The following C12orf54 variants were observed in gnomAD, a reference collection of about 807,000 sequenced individuals.
The protein encoded by C12orf54 is chromosome 12 open reading frame 54.
C12orf54 carries 24 observed loss-of-function variants against 26.4 expected under a neutral mutation model. The observed-to-expected ratio is 0.91, with a 90% CI of 0.66 to 1.28. The LOEUF is 1.28. Among genes scored for constraint, C12orf54 ranks in the 50% most tolerant of loss-of-function variants. C12orf54 has a pLI of 0.00. For missense variants in C12orf54, 154 were observed against 150.9 expected (o/e 1.02, Z -0.11); for synonymous variants, 54 against 47.0 (o/e 1.15, Z -0.61).
chr12:48,447,170 C>T, the C12orf54 span, among the ~76,000 whole-genome samples: 3 of 150,964 alleles, frequency 2.0e-5, no homozygotes, highest in Non-Finnish European at 4.4e-5. Context: ...GGATTAGTGC[C>T]CTTGTAAGAG....
At chr12:48,486,356 T>C (rs1954264665) in intron 3 of C12orf54, 148 bp downstream of exon 3, 1 of 762,662 alleles carries the variant, frequency 1.3e-6, no homozygotes, top group South Asian at 1.7e-5. Context: ...GAGTGGGTCA[T>C]TGTCTACCAA....
chr12:48,420,085 T>C, the C12orf54 span, among the ~76,000 whole-genome samples: 1 of 152,154 alleles, frequency 6.6e-6, no homozygotes, highest in African/African-American at 2.4e-5. Context: ...CAGTTGGTTT[T>C]TTTTTTCACT....
At chr12:48,415,930 C>T in the C12orf54 span, among the ~76,000 whole-genome samples, 7 of 152,230 alleles carry the variant, frequency 4.6e-5, no homozygotes, top group East Asian at 5.8e-4. Flanking sequence ...TGCATGTCCC[C>T]GATTATCCTG....
the C12orf54 span, among the ~76,000 whole-genome samples, chr12:48,469,798 G>A: frequency 6.6e-6 from 1 of 152,258 alleles, no homozygotes; most frequent in African/African-American, 2.4e-5. Flanking sequence ...ATGTTCTGCT[G>A]TGGTTTCAGC....
At chr12:48,466,880 G>A in the C12orf54 span, among the ~76,000 whole-genome samples, 1 of 152,026 alleles carries the variant, frequency 6.6e-6, no homozygotes, top group Non-Finnish European at 1.5e-5. Flanking sequence ...TTTGTGAATG[G>A]ATGTTCATAG....
the C12orf54 span, among the ~76,000 whole-genome samples, chr12:48,413,319 T>C: frequency 6.6e-6 from 1 of 152,224 alleles, no homozygotes. Context: ...GGTTGCTCAG[T>C]TGAAGAATAA....
At position 48,493,006 on chromosome 12, in the gene C12orf54, C is replaced by T. The variant is rs368614404; in HGVS notation, c.242+11C>T. ...AGCACCCAGGACTGGGTAAGTGTCC[C>T]TATTCTGACAATGTTCAAGGGAGAT... On this transcript the variant is annotated intron_variant, in intron 7 of 8. Coordinates refer to ENST00000548364, the MANE Select transcript of C12orf54 (RefSeq NM_152319.4). 6.2e-7 allele frequency: 1 copy of T among 1,612,826 alleles called. No individual in the cohort carries two copies. The highest frequency in any genetic ancestry group is 8.5e-7 in the Non-Finnish European group (1 of 1,178,812).
At chr12:48,431,993 TAAAAA>T in the C12orf54 span, among the ~76,000 whole-genome samples, 1 of 152,122 alleles carries the variant, frequency 6.6e-6, no homozygotes, top group Non-Finnish European at 1.5e-5. Flanking sequence ...ATAAAGTTCT[TAAAAA>T]GAAAAGATGG....
chr12:48,430,532 CA>C, the C12orf54 span, among the ~76,000 whole-genome samples: 1 of 151,788 alleles, frequency 6.6e-6, no homozygotes, highest in African/African-American at 2.4e-5. Context: ...TACAAATGGC[CA>C]AAAAACATAT....
At chr12:48,454,084 CTT>C in the C12orf54 span, among the ~76,000 whole-genome samples, 1 of 131,892 alleles carries the variant, frequency 7.6e-6, no homozygotes, top group Non-Finnish European at 1.6e-5. Context: ...CTCTCTCTCT[CTT>C]TTTTTGTTTG....
chr12:48,473,030 T>A, the C12orf54 span: 1 of 1,614,126 alleles, frequency 6.2e-7, no homozygotes, highest in Non-Finnish European at 8.5e-7. Flanking sequence ...ACCTTTTCAC[T>A]TGCGAGGTAA....
chr12:48,436,074 C>T, the C12orf54 span, among the ~76,000 whole-genome samples: 1 of 151,856 alleles, frequency 6.6e-6, no homozygotes, highest in Admixed American at 6.6e-5. Flanking sequence ...ATCTACCAAG[C>T]AAATGGAAAA....
At chr12:48,444,822 C>A in the C12orf54 span, among the ~76,000 whole-genome samples, 1 of 152,088 alleles carries the variant, frequency 6.6e-6, no homozygotes, top group African/African-American at 2.4e-5. Flanking sequence ...ATGAGACATA[C>A]AAAAGTATCT....
At chr12:48,426,627 T>C in the C12orf54 span, among the ~76,000 whole-genome samples, 8 of 152,102 alleles carry the variant, frequency 5.3e-5, no homozygotes, top group Non-Finnish European at 8.8e-5. Context: ...AAAAATGTCA[T>C]TGGTAGTTTG....
chr12:48,436,579 C>G, the C12orf54 span, among the ~76,000 whole-genome samples: 3 of 152,156 alleles, frequency 2.0e-5, no homozygotes, highest in East Asian at 3.8e-4. Flanking sequence ...TGCAATCAAA[C>G]TAGAACTCAG....
chr12:48,445,372 T>G, the C12orf54 span, among the ~76,000 whole-genome samples: 1 of 152,046 alleles, frequency 6.6e-6, no homozygotes. Context: ...TGGACAGGTT[T>G]GCCCCAAAGC....
chr12:48,475,790 A>G, the C12orf54 span, among the ~76,000 whole-genome samples: 1 of 152,218 alleles, frequency 6.6e-6, no homozygotes, highest in Admixed American at 6.5e-5. Flanking sequence ...TGAAAGTGAC[A>G]GGGAGAATGG....
At chr12:48,494,660 G>C (rs1937870529) in intron 7 of C12orf54, 138 bp from the exon 8 acceptor site, 1 of 911,842 alleles carries the variant, frequency 1.1e-6, no homozygotes, top group African/African-American at 1.6e-5. Flanking sequence ...TCAGGAAATT[G>C]CAACTCCCAG....
the C12orf54 span, among the ~76,000 whole-genome samples, chr12:48,449,201 C>A: frequency 1.2e-4 from 18 of 152,222 alleles, no homozygotes; most frequent in East Asian, 3.5e-3. Flanking sequence ...TTAAAATATG[C>A]TAGACTCTCA....
Sources: gnomAD v4.1 joint callset for allele counts (sites outside exome capture counted in the v4.1 genomes callset) on GRCh38, gnomAD v4.1.1 for gene constraint, MANE v1.5 for transcripts, NCBI Gene and HGNC (gene_info 2026-07-23, HGNC 2026-07-21) for gene names.